The following DPY19L2 variants were observed in gnomAD, a reference collection of about 807,000 sequenced individuals.
DPY19L2 encodes dpy-19 like 2.
Under a neutral mutation model 97.9 loss-of-function variants are expected in DPY19L2, and 34 were observed. That is an observed-to-expected ratio of 0.35 (90% CI 0.26 to 0.46). DPY19L2 has a LOEUF of 0.46. DPY19L2 is among the 20% of genes least tolerant of loss of function. DPY19L2 has a pLI of 1.00. For missense variants in DPY19L2, 623 were observed against 911.4 expected, an observed-to-expected ratio of 0.68 and a Z score of 4.07; for synonymous variants, 230 against 307.9, an observed-to-expected ratio of 0.75 and a Z score of 2.65.
intron 6 of DPY19L2, among the ~76,000 whole-genome samples, chr12:63,629,102 C>T (rs1890113933): frequency 6.6e-6 from 1 of 151,994 alleles, no homozygotes; most frequent in South Asian, 2.1e-4. Flanking sequence ...TAGATAAAAC[C>T]ACAAAGATGG....
At position 63,626,503 on chromosome 12, in the gene DPY19L2, A is replaced by G. The variant is rs371898412; in HGVS notation, c.827T>C (p.Ile276Thr). 71 of 1,580,866 alleles carry G rather than the reference A, an allele frequency of 4.5e-5. No individual in the cohort carries two copies. The highest frequency in any genetic ancestry group is 7.8e-5 in the Admixed American group (4 of 51,100). ...YLSGTQLGGL[I>T]TVLCFFFNHG... ...GTTGAAAAAGAAGCACAGTACTGTA[A>G]TAAGACCTCCCAGTTGAGTCCCACT... The change falls in exon 7 of 22, where the codon ATT (isoleucine) becomes ACT (threonine). Residue 276 changes from isoleucine to threonine, a missense_variant. By Grantham distance (89) the Ile-to-Thr change is moderately conservative. This residue lies in a region of DPY19L2 where 67 missense variants were observed against 88.0 expected (regional missense o/e 0.76). Coordinates refer to ENST00000324472, the MANE Select transcript of DPY19L2 (RefSeq NM_173812.5).
intron 12 of DPY19L2, among the ~76,000 whole-genome samples, chr12:63,607,232 A>G (rs1451220879): frequency 6.6e-6 from 1 of 151,928 alleles, no homozygotes; most frequent in South Asian, 2.1e-4. Context: ...ATTTTTTTTG[A>G]TGCTTATGGA....
At chr12:63,595,829 T>C (rs1182783707) in intron 15 of DPY19L2, 137 bp downstream of exon 15, 3 of 728,966 alleles carry the variant, frequency 4.1e-6, no homozygotes, top group South Asian at 3.8e-5. Context: ...AGATCGATGA[T>C]GAAAGATCTA....
In DPY19L2 at chr12:63,666,047, T is replaced by C. The variant is rs555281440; in HGVS notation, c.338-188A>G. ...CACAAAGCAAATTCTGAACAGAGCT[T>C]ACCTCTCTGCAGCAGGGCTTGACAA... On this transcript the variant is annotated intron_variant, in intron 1 of 21. Transcript: ENST00000324472. Among the ~76,000 whole-genome samples, 8 of 152,152 alleles carry C rather than the reference T, an allele frequency of 5.3e-5. 1 individual carries two copies.
chr12:63,614,051 G>A (rs576889746), intron 11 of DPY19L2, among the ~76,000 whole-genome samples: 3 of 151,864 alleles, frequency 2.0e-5, no homozygotes, highest in Admixed American at 1.3e-4. Context: ...TTAGCTGGAC[G>A]TGGTGGCAGG....
At chr12:63,615,580 C>T (rs1161573981) in intron 11 of DPY19L2, among the ~76,000 whole-genome samples, 1 of 152,166 alleles carries the variant, frequency 6.6e-6, no homozygotes, top group Non-Finnish European at 1.5e-5. Context: ...CCATGAAATC[C>T]TCCACATGTT....
chr12:63,642,788 A>G (rs1892885223), intron 6 of DPY19L2, among the ~76,000 whole-genome samples: 1 of 151,842 alleles, frequency 6.6e-6, no homozygotes, highest in South Asian at 2.1e-4. Flanking sequence ...GCATTTTTGA[A>G]TAACTTTTAA....
intron 4 of DPY19L2, among the ~76,000 whole-genome samples, chr12:63,648,636 C>A (rs915556498): frequency 6.6e-6 from 1 of 151,936 alleles, no homozygotes; most frequent in Non-Finnish European, 1.5e-5. Context: ...CCATGTTGGC[C>A]AGGCTGGTCT....
intron 6 of DPY19L2, among the ~76,000 whole-genome samples, chr12:63,629,640 C>T (rs191832907): frequency 0.08 from 12,109 of 152,208 alleles, 756 homozygotes; most frequent in African/African-American, 0.17. Context: ...GGAAAACACT[C>T]TGCAGGATAT....
rs1876273839 is a variant in DPY19L2, at chr12:63,560,572, G to C, written c.2217C>G (p.Ala739=). The change falls in exon 22 of 22, where the codon GCC becomes GCG. Residue 739 remains alanine, a synonymous_variant. Coordinates refer to ENST00000324472, the MANE Select transcript of DPY19L2 (RefSeq NM_173812.5). ...PPLCSVLLED[A]RPYFTTVFQN... is the part of the protein sequence containing the mutation. ...GAAATACTGTGGTGAAGTAAGGCCT[G>C]GCGTCTTCGAGCAGGACGCTACATA... 4 of 1,614,000 alleles carry C rather than the reference G, an allele frequency of 2.5e-6. No individual in the cohort carries two copies. The highest frequency in any genetic ancestry group is 3.4e-6 in the Non-Finnish European group (4 of 1,179,946).
chr12:63,580,885 G>A lies in DPY19L2; in HGVS notation c.1726-49C>T, dbSNP rs368152597. On this transcript the variant is annotated intron_variant, in intron 18 of 21. Transcript: ENST00000324472. ...TTCTAGTTCTTATATGAAGAGTACC[G>A]TAGGGTCAACAATAAATTCTCACCT... 4.2e-5 allele frequency: 65 copies of A among 1,564,352 alleles called. 1 individual carries two copies. Among genetic ancestry groups the A allele is most frequent in the Middle Eastern group, 1.7e-4 (1 of 5,804 alleles).
intron 1 of DPY19L2, chr12:63,666,530 C>T (rs1462558626): frequency 6.7e-6 from 3 of 446,752 alleles, no homozygotes; most frequent in African/African-American, 2.0e-5. Flanking sequence ...CAGCCTGTGC[C>T]CGTTTGGTTG....
chr12:63,613,592 T>C (rs1239947017), intron 11 of DPY19L2, among the ~76,000 whole-genome samples: 1 of 151,832 alleles, frequency 6.6e-6, no homozygotes, highest in East Asian at 1.9e-4. Flanking sequence ...AATACTAAAA[T>C]ATGTGAAAGA....
intron 11 of DPY19L2, among the ~76,000 whole-genome samples, chr12:63,616,948 G>C (rs971402485): frequency 2.6e-5 from 4 of 152,084 alleles, no homozygotes; most frequent in African/African-American, 9.7e-5. Flanking sequence ...GAAACTCAGA[G>C]GAGTTCCAAA....
chr12:63,609,989 G>A (rs1455249753), intron 11 of DPY19L2, among the ~76,000 whole-genome samples: 1 of 151,670 alleles, frequency 6.6e-6, no homozygotes, highest in African/African-American at 2.4e-5. Context: ...CCCAGACATA[G>A]GAGAGTGACT....
intron 21 of DPY19L2, among the ~76,000 whole-genome samples, chr12:63,563,650 T>C (rs948933215): frequency 3.3e-5 from 5 of 152,216 alleles, no homozygotes; most frequent in Admixed American, 3.3e-4. Context: ...AATATATTGC[T>C]AGATTCATTT....
chr12:63,592,802 A>G (rs769282111), intron 16 of DPY19L2, among the ~76,000 whole-genome samples: 3 of 152,132 alleles, frequency 2.0e-5, no homozygotes, highest in Non-Finnish European at 4.4e-5. Context: ...ATCTAATTAA[A>G]CTACACAGCT....
chr12:63,635,470 G>A (rs9989008), intron 6 of DPY19L2, among the ~76,000 whole-genome samples: 4,347 of 151,970 alleles, frequency 0.029, 238 homozygotes, highest in African/African-American at 0.098. Context: ...TCAGACGATC[G>A]GTAACAACAA....
intron 6 of DPY19L2, among the ~76,000 whole-genome samples, chr12:63,626,872 G>T (rs1217483926): frequency 1.3e-5 from 2 of 151,942 alleles, no homozygotes; most frequent in Non-Finnish European, 2.9e-5. Flanking sequence ...TCCGCCTCCT[G>T]GGTTCCAACG....
Sources: allele counts gnomAD v4.1 joint callset (sites outside exome capture counted in the v4.1 genomes callset), GRCh38; gene constraint gnomAD v4.1.1; regional missense constraint gnomAD v4.1.1; transcripts MANE v1.5; gene names NCBI Gene and HGNC (gene_info 2026-07-23, HGNC 2026-07-21).